Variants in HEATR6 observed in about 807,000 individuals in gnomAD.
HEATR6 encodes HEAT repeat containing 6.
A neutral mutation model predicts 132.8 loss-of-function variants in HEATR6; 106 were observed. The observed-to-expected ratio is 0.80, with a 90% CI of 0.68 to 0.94. HEATR6 has a LOEUF of 0.94. Among genes scored for constraint, HEATR6 ranks in the 40% least tolerant of loss-of-function variants. The probability of loss-of-function intolerance (pLI) is 0.00; values close to 1 mark genes in which losing one functional copy is unlikely to be tolerated. For synonymous variants in HEATR6, 529 were observed against 537.8 expected (o/e 0.98, Z 0.23); for missense variants, 1,339 against 1,425.1 (o/e 0.94, Z 0.97).
chr17:60,044,191 G>C (rs1188502524), intron 19 of HEATR6, 57 bp from the exon 20 acceptor site: 22 of 1,350,706 alleles, frequency 1.6e-5, no homozygotes, highest in Non-Finnish European at 2.1e-5. Flanking sequence ...GGTGGGGTGA[G>C]AGGGAGAGGG....
intron 4 of HEATR6, among the ~76,000 whole-genome samples, chr17:60,072,663 C>T (rs2083276207): frequency 6.6e-6 from 1 of 152,182 alleles, no homozygotes; most frequent in Non-Finnish European, 1.5e-5. Flanking sequence ...GCTAGAATCA[C>T]ACATCTGTAC....
chr17:60,067,826 T>G, intron 7 of HEATR6, 94 bp from the exon 8 acceptor site: 5 of 979,420 alleles, frequency 5.1e-6, no homozygotes, highest in Non-Finnish European at 7.5e-6. Flanking sequence ...TGACTAAATA[T>G]GTCCCCAACA....
chr17:60,056,090 G>C (rs1337472065), intron 13 of HEATR6, 25 bp downstream of exon 13: 1 of 1,611,232 alleles, frequency 6.2e-7, no homozygotes, highest in Non-Finnish European at 8.5e-7. Flanking sequence ...GAAGGAAAAA[G>C]CATTGTGGTT....
In HEATR6 at chr17:60,057,336, A is replaced by T. The variant is rs761934158; in HGVS notation, c.1791T>A (p.Pro597=). 6.8e-6 allele frequency: 11 copies of T among 1,614,010 alleles called. No individual in the cohort carries two copies. In the South Asian group the frequency reaches 1.2e-4, roughly 18 times the overall value. ...GCTGTTGCAGAAGTAGTTGGACTTCAGGTAAAGGTGCGTGGGTGGACACTA... is the reference window on the plus strand; with the variant it reads ...GCTGTTGCAGAAGTAGTTGGACTTCTGGTAAAGGTGCGTGGGTGGACACTA... ...GAIVSTHAPL[P]EVQLLLQQPC... is the part of the protein sequence containing the mutation. Residue 597 remains proline, a synonymous_variant, in exon 12 of 20, where the codon CCT becomes CCA. Transcript: ENST00000184956.
Position 60,046,176 on chromosome 17 carries a change from G to C in HEATR6, c.2823C>G (p.Pro941=), listed in dbSNP as rs145565709. Residue 941 remains proline (P), a synonymous_variant, in exon 19 of 20, where the codon CCC becomes CCG. Coordinates refer to ENST00000184956, the MANE Select transcript of HEATR6 (RefSeq NM_022070.5). ...CAAATGTGGGTTTTTCTATATGAGA[G>C]GGTTGCAGAAAATGAAGCAAATTTC... The part of the protein sequence containing the change: ...ALGNLLHFLQ[P]SHIEKPTFAE... 208 of 1,613,896 alleles carry C rather than the reference G, an allele frequency of 1.3e-4. No individual in the cohort carries two copies. Among genetic ancestry groups the C allele is most frequent in the South Asian group, 1.3e-3 (117 of 91,082 alleles).
At chr17:60,049,008 A>ATATAT (rs1906486262) in intron 16 of HEATR6, among the ~76,000 whole-genome samples, 1 of 139,162 alleles carries the variant, frequency 7.2e-6, no homozygotes, top group East Asian at 2.1e-4. Context: ...ATATATATAT[A>ATATAT]TATATATATA....
Position 60,044,146 on chromosome 17 carries a change from C to G in HEATR6, c.2975-12G>C. ...CCATGGGGCTGTCCCTAGAAAGAAT[C>G]CACAGTCACTAAAACAAATGCAGGC... On this transcript the variant is annotated splice_polypyrimidine_tract_variant and intron_variant, in intron 19 of 19. Transcript: ENST00000184956. 1 of 1,588,026 alleles carries G rather than the reference C, an allele frequency of 6.3e-7. No individual in the cohort carries two copies. The highest frequency in any genetic ancestry group is 1.2e-5 in the South Asian group (1 of 86,438).
chr17:60,047,281 G>A, intron 18 of HEATR6, 28 bp downstream of exon 18: 1 of 1,417,964 alleles, frequency 7.1e-7, no homozygotes, highest in Non-Finnish European at 9.9e-7. Context: ...ATCTGTTTGG[G>A]AGATACTGGG....
chr17:60,049,512 T>C (rs1906510886), intron 16 of HEATR6, 68 bp downstream of exon 16: 11 of 1,579,124 alleles, frequency 7.0e-6, no homozygotes, highest in Non-Finnish European at 9.5e-6. Context: ...AGGAGCTCTA[T>C]ATCCACAAAA....
intron 14 of HEATR6, among the ~76,000 whole-genome samples, chr17:60,053,124 G>A (rs1330740507): frequency 6.6e-6 from 1 of 152,152 alleles, no homozygotes; most frequent in Non-Finnish European, 1.5e-5. Context: ...CCTACTGAAT[G>A]GCTTGGTGCT....
At chr17:60,065,145 A>G (rs2083233556) in intron 9 of HEATR6, among the ~76,000 whole-genome samples, 1 of 152,020 alleles carries the variant, frequency 6.6e-6, no homozygotes, top group African/African-American at 2.4e-5. Flanking sequence ...TTCACTATTG[A>G]TTTAGTTAAT....
chr17:60,049,696 T>C lies in HEATR6; in HGVS notation c.2431A>G (p.Arg811Gly), dbSNP rs760748967. The stretch of plus-strand genomic sequence containing the variant: ...AGCACTGTGATGCACAGCATCTGCC[T>C]GTCATTCTGCAATGAGAAGGTTGAC... ...PEAFSNLPND[R>G]QMLCITVLLG... is the part of the protein sequence containing the mutation. The change falls in exon 16 of 20, where the codon AGG becomes GGG. Residue 811 changes from arginine to glycine, a missense_variant. Transcript: ENST00000184956. 3.7e-6 allele frequency: 6 copies of C among 1,612,788 alleles called. No homozygotes were observed. The South Asian group carries it at 4.4e-5, about 12-fold the overall frequency.
At chr17:60,049,433 G>T (rs1358250650) in intron 16 of HEATR6, 147 bp downstream of exon 16, 8 of 897,080 alleles carry the variant, frequency 8.9e-6, no homozygotes, top group Non-Finnish European at 1.6e-6. Context: ...CCTGGCCCAT[G>T]ACCATATTTT....
rs1906739328 is a variant in HEATR6, at chr17:60,056,196, T to C, written c.2121A>G (p.Gln707=). The change falls in exon 13 of 20, where the codon CAA becomes CAG. Residue 707 remains glutamine (Q), a synonymous_variant. Coordinates refer to ENST00000184956, the MANE Select transcript of HEATR6 (RefSeq NM_022070.5). ...CCTCTCCAAGCTCCATCAAGTAGGCTTGAGTCATTGAAAAGTAGCCCCTTG... is the reference window on the plus strand; with the variant it reads ...CCTCTCCAAGCTCCATCAAGTAGGCCTGAGTCATTGAAAAGTAGCCCCTTG... ...LLARGYFSMT[Q]AYLMELGEVI... is the part of the protein sequence containing the mutation. 6 of 1,614,114 alleles carry C rather than the reference T, an allele frequency of 3.7e-6. No homozygotes were observed. The East Asian group carries it at 6.7e-5, about 18-fold the overall frequency.
At chr17:60,061,483 T>G (rs955624723) in intron 9 of HEATR6, among the ~76,000 whole-genome samples, 1 of 152,188 alleles carries the variant, frequency 6.6e-6, no homozygotes, top group Non-Finnish European at 1.5e-5. Context: ...CAAAAAGGAC[T>G]TAGATCAGGG....
At chr17:60,072,650 C>G (rs984865178) in intron 4 of HEATR6, among the ~76,000 whole-genome samples, 1 of 152,164 alleles carries the variant, frequency 6.6e-6, no homozygotes, top group Non-Finnish European at 1.5e-5. Context: ...CAGGTCCTGT[C>G]AAGCTAGAAT....
chr17:60,078,228 A>T (rs1346793873), intron 1 of HEATR6, among the ~76,000 whole-genome samples: 1 of 152,194 alleles, frequency 6.6e-6, no homozygotes, highest in East Asian at 1.9e-4. Flanking sequence ...AACAGAAAAC[A>T]TAGGGGCTTT....
At chr17:60,053,991 G>A (rs932571185) in intron 14 of HEATR6, among the ~76,000 whole-genome samples, 1 of 152,194 alleles carries the variant, frequency 6.6e-6, no homozygotes, top group Non-Finnish European at 1.5e-5. Flanking sequence ...AGGGAGCCAG[G>A]TGCTAACAGC....
chr17:60,060,355 C>T (rs2083203761), intron 9 of HEATR6, among the ~76,000 whole-genome samples: 1 of 152,100 alleles, frequency 6.6e-6, no homozygotes, highest in South Asian at 2.1e-4. Context: ...TCATAACTCA[C>T]TGCAGCCTCA....
Sources: gnomAD v4.1 joint callset for allele counts (sites outside exome capture counted in the v4.1 genomes callset) on GRCh38, gnomAD v4.1.1 for gene constraint, MANE v1.5 for transcripts, NCBI Gene and HGNC (gene_info 2026-07-23, HGNC 2026-07-21) for gene names.